The following UGT2A3 variants were observed in gnomAD, a reference collection of about 807,000 sequenced individuals.
UGT2A3 encodes the protein UDP glucuronosyltransferase family 2 member A3.
In UGT2A3, 55 loss-of-function variants were observed where a neutral mutation model predicts 44.1. That is an observed-to-expected ratio of 1.25 (90% CI 1.00 to 1.56). The LOEUF (loss-of-function observed/expected upper bound fraction) is 1.56. UGT2A3 is among the 40% of genes most tolerant of loss of function. UGT2A3 has a pLI of 0.00. For missense variants in UGT2A3, 733 were observed against 621.6 expected (o/e 1.18, Z -1.91); for synonymous variants, 243 against 215.1 (o/e 1.13, Z -1.13).
chr4:68,941,266 A>G (rs1242342752), intron 2 of UGT2A3, among the ~76,000 whole-genome samples: 1 of 151,846 alleles, frequency 6.6e-6, no homozygotes, highest in Non-Finnish European at 1.5e-5. Context: ...CAGAACTATC[A>G]TTCAAATAAT....
chr4:68,945,413 T>G lies in UGT2A3; in HGVS notation c.757A>C (p.Ile253Leu). ...TLCETVGKAE[I>L]WLIRTYWDFE... ...TCCCAATATGTTCGTATTAGCCATA[T>G]CTCAGCTTTTCCCACAGTCTCACAT... Residue 253 changes from isoleucine (I) to leucine (L), a missense_variant, in exon 2 of 6, where the codon ATA becomes CTA. Ile to Leu is a conservative substitution (Grantham distance 5, BLOSUM62 2). Transcript: ENST00000251566. 1 of 1,611,180 alleles carries G rather than the reference T, an allele frequency of 6.2e-7. No homozygotes were observed. Among genetic ancestry groups the G allele is most frequent in the Non-Finnish European group, 8.5e-7 (1 of 1,178,354 alleles).
intron 1 of UGT2A3, among the ~76,000 whole-genome samples, chr4:68,949,450 G>A (rs1300110767): frequency 3.3e-5 from 5 of 151,718 alleles, no homozygotes; most frequent in African/African-American, 9.7e-5. Context: ...ACATCAAGGT[G>A]CCCCCAAGCT....
In UGT2A3 at chr4:68,929,610, G is replaced by C. The variant is rs1471867361; in HGVS notation, c.*203C>G. 4.2e-6 allele frequency: 2 copies of C among 480,620 alleles called. No homozygotes were observed. Among genetic ancestry groups the C allele is most frequent in the African/African-American group, 1.9e-5 (1 of 51,354 alleles). 29.8% of individuals were successfully genotyped at this position (480,620 alleles called of 1,614,324 possible). On this transcript the variant is annotated 3_prime_UTR_variant, in exon 6 of 6. Transcript: ENST00000251566. Reference sequence around the variant, plus strand: ...TATTCATGTCCTTGTGTCACAAAGTGAGAGAAGAGAGTAAAGACACCTAGG... The same window carrying C: ...TATTCATGTCCTTGTGTCACAAAGTCAGAGAAGAGAGTAAAGACACCTAGG...
rs1302255292 is a variant in UGT2A3 at position 68,951,376 on chromosome 4, T to C, written c.385A>G (p.Ile129Val). Residue 129 changes from isoleucine (I) to valine (V), a missense_variant, in exon 1 of 6, where the codon ATC becomes GTC. Transcript: ENST00000251566. The part of the protein sequence containing the change: ...GTLKMMCESF[I>V]YNQTLMKKLQ... ...TTCTTCATAAGCGTCTGATTGTAGA[T>C]AAAGCTCTCACACATCATTTTTAAA... 4 of 1,612,702 alleles carry C rather than the reference T, an allele frequency of 2.5e-6. No individual in the cohort carries two copies. The highest frequency in any genetic ancestry group is 4.5e-5 in the East Asian group (2 of 44,704).
rs747559844 is a variant in UGT2A3, at chr4:68,930,025, C to A, written c.1372G>T (p.Ala458Ser). ...HDQPVKPLDR[A>S]VFWIEFVMRH... is the part of the protein sequence containing the mutation. ...ATGACAAACTCGATCCAGAAGACTG[C>A]TCGATCTAGGGGCTTTACAGGTTGA... is the stretch of plus-strand genomic sequence containing the variant. Residue 458 changes from alanine to serine, a missense_variant, in exon 6 of 6, where the codon GCA becomes TCA. Coordinates refer to ENST00000251566, the MANE Select transcript of UGT2A3 (RefSeq NM_024743.4). 2 of 1,613,432 alleles carry A rather than the reference C, an allele frequency of 1.2e-6. No homozygotes were observed. The highest frequency in any genetic ancestry group is 1.3e-5 in the African/African-American group (1 of 74,894).
chr4:68,943,867 T>A (rs889372276), intron 2 of UGT2A3, among the ~76,000 whole-genome samples: 8 of 151,762 alleles, frequency 5.3e-5, no homozygotes, highest in African/African-American at 1.7e-4. Context: ...AATGCCTCCA[T>A]GGACTTTGTG....
chr4:68,932,887 C>T lies in UGT2A3; in HGVS notation c.865-128G>A, dbSNP rs1717788762. 9.9e-6 allele frequency: 9 copies of T among 912,368 alleles called. No homozygotes were observed. The South Asian group carries it at 1.3e-4, about 13-fold the overall frequency. The allele number at this position is 912,368 out of a possible 1,614,324, so 56.5% of individuals were successfully genotyped here. The stretch of plus-strand genomic sequence containing the variant: ...TGTAGTTATATTCTGTCCCTATATG[C>T]TGACACACAGAACTATCTAGTCTCT... On this transcript the variant is annotated intron_variant, in intron 2 of 5. Transcript: ENST00000251566.
At position 68,929,641 on chromosome 4, in the gene UGT2A3, A is replaced by T. The variant is rs3749514; in HGVS notation, c.*172T>A. The T allele has an allele frequency of 1.8e-6, 1 of 569,436 alleles. No individual in the cohort carries two copies. Among genetic ancestry groups the T allele is most frequent in the Non-Finnish European group, 3.0e-6 (1 of 333,708 alleles). 35.3% of individuals were successfully genotyped at this position (569,436 alleles called of 1,614,324 possible). ...AGAGAGTAAAGACACCTAGGAAAAT[A>T]CAACGAAAGAATGAGATATACTCAC... On this transcript the variant is annotated 3_prime_UTR_variant, in exon 6 of 6. Transcript: ENST00000251566.
chr4:68,951,026 A>G lies in UGT2A3; in HGVS notation c.715+20T>C, dbSNP rs759278217. 1 of 1,468,724 alleles carries G rather than the reference A, an allele frequency of 6.8e-7. No individual in the cohort carries two copies. Among genetic ancestry groups the G allele is most frequent in the East Asian group, 2.4e-5 (1 of 42,228 alleles). The allele number at this position is 1,468,724 out of a possible 1,614,324, so 91.0% of individuals were successfully genotyped here. On this transcript the variant is annotated intron_variant, in intron 1 of 5. Coordinates refer to ENST00000251566, the MANE Select transcript of UGT2A3 (RefSeq NM_024743.4). ...ATTTCTTTTGATAACTAAATTAAAA[A>G]TAAAACAAAAGTGTCTTACCTAATG...
intron 2 of UGT2A3, among the ~76,000 whole-genome samples, chr4:68,933,160 C>T (rs1577845465): frequency 6.6e-6 from 1 of 151,964 alleles, no homozygotes; most frequent in Admixed American, 6.6e-5. Flanking sequence ...TTTAAAAGTA[C>T]AACTAGCAAC....
At chr4:68,932,821 T>A in intron 2 of UGT2A3, 62 bp from the exon 3 acceptor site, 1 of 1,477,076 alleles carries the variant, frequency 6.8e-7, no homozygotes, top group Non-Finnish European at 9.2e-7. Context: ...AAATAAAGGT[T>A]ACTTACACTT....
In UGT2A3 at chr4:68,937,440, G is replaced by C. The variant is rs150052893; in HGVS notation, c.865-4681C>G. Among the ~76,000 whole-genome samples, 1,183 of 152,070 alleles carry C rather than the reference G, an allele frequency of 7.8e-3. 21 individuals are homozygous for C. Among genetic ancestry groups the C allele is most frequent in the East Asian group, 0.054 (279 of 5,154 alleles). On this transcript the variant is annotated intron_variant, in intron 2 of 5. Transcript: ENST00000251566. Reference sequence around the variant, plus strand: ...AACTGCACAACTACATAGAAACTGAGTAACCTGCACCTGAATGACTACCAG... The same window carrying C: ...AACTGCACAACTACATAGAAACTGACTAACCTGCACCTGAATGACTACCAG...
At position 68,930,581 on chromosome 4, in the gene UGT2A3, T is replaced by G; in HGVS notation, c.1269A>C (p.Leu423Phe). 6.2e-7 allele frequency: 1 copy of G among 1,613,012 alleles called. No individual in the cohort carries two copies. The highest frequency in any genetic ancestry group is 1.3e-5 in the African/African-American group (1 of 75,006). ...INFKTMTSED[L>F]LRALRTVITD... Reference sequence around the variant, plus strand: ...TAATGACTGTTCTCAAAGCCCTCAGTAAATCTTCGCTTGTCATAGTTTTGA... The same window carrying G: ...TAATGACTGTTCTCAAAGCCCTCAGGAAATCTTCGCTTGTCATAGTTTTGA... Residue 423 changes from leucine (L) to phenylalanine (F), a missense_variant, in exon 5 of 6, where the codon TTA (leucine) becomes TTC (phenylalanine). Transcript: ENST00000251566.
intron 2 of UGT2A3, among the ~76,000 whole-genome samples, chr4:68,933,179 T>A (rs963793549): frequency 6.6e-6 from 1 of 151,976 alleles, no homozygotes; most frequent in Non-Finnish European, 1.5e-5. Context: ...ACTATTCGAA[T>A]ATAAAAATAC....
chr4:68,931,515 A>G (rs1019171484), intron 3 of UGT2A3, among the ~76,000 whole-genome samples: 6 of 152,108 alleles, frequency 3.9e-5, no homozygotes, highest in African/African-American at 1.4e-4. Flanking sequence ...GAATATTTAA[A>G]AAAATAATTC....
At chr4:68,936,001 C>G (rs1273378116) in intron 2 of UGT2A3, among the ~76,000 whole-genome samples, 1 of 151,732 alleles carries the variant, frequency 6.6e-6, no homozygotes, top group Non-Finnish European at 1.5e-5. Context: ...AGCAAGAAGA[C>G]AAGTTTAGGG....
chr4:68,945,280 A>G, intron 2 of UGT2A3, 26 bp downstream of exon 2: 1 of 1,609,136 alleles, frequency 6.2e-7, no homozygotes, highest in African/African-American at 1.3e-5. Flanking sequence ...TAAAGTACAT[A>G]ATATTCCTTA....
chr4:68,929,950 A>C lies in UGT2A3; in HGVS notation c.1447T>G (p.Trp483Gly). The change falls in exon 6 of 6, where the codon TGG becomes GGG. Residue 483 changes from tryptophan (W) to glycine (G), a missense_variant. Trp to Gly is a radical substitution (Grantham distance 184). Coordinates refer to ENST00000251566, the MANE Select transcript of UGT2A3 (RefSeq NM_024743.4). Reference sequence around the variant, plus strand: ...ACATCTATAGAGTAGTGCTGGAACCAGGTGAGGTCATGGGCAGCTGATCGC... The same window carrying C: ...ACATCTATAGAGTAGTGCTGGAACCCGGTGAGGTCATGGGCAGCTGATCGC... ...HLRSAAHDLT[W>G]FQHYSIDVIG... 6.2e-7 allele frequency: 1 copy of C among 1,613,676 alleles called. No individual in the cohort carries two copies. Among genetic ancestry groups the C allele is most frequent in the South Asian group, 1.1e-5 (1 of 91,072 alleles).
chr4:68,935,740 A>G (rs1717927494), intron 2 of UGT2A3, among the ~76,000 whole-genome samples: 1 of 152,034 alleles, frequency 6.6e-6, no homozygotes, highest in Non-Finnish European at 1.5e-5. Flanking sequence ...TAGACTTCAG[A>G]AAGTCTGTAA....
Sources: allele counts gnomAD v4.1 joint callset (sites outside exome capture counted in the v4.1 genomes callset), GRCh38; gene constraint gnomAD v4.1.1; transcripts MANE v1.5; gene names NCBI Gene and HGNC (gene_info 2026-07-23, HGNC 2026-07-21).